FLI1: variants seen among roughly 807,000 people sequenced by gnomAD.
FLI1 encodes Friend leukemia integration 1 transcription factor.
FLI1 carries 13 observed loss-of-function variants against 53.1 expected under a neutral mutation model. The observed-to-expected ratio is 0.24, with a 90% CI of 0.16 to 0.39. The LOEUF is 0.39. Ranked by LOEUF, FLI1 falls within the 10% of genes least tolerant of loss-of-function variation. The probability of loss-of-function intolerance (pLI) is 1.00; values close to 1 mark genes in which losing one functional copy is unlikely to be tolerated. For synonymous variants in FLI1, 244 were observed against 236.7 expected, an observed-to-expected ratio of 1.03 and a Z score of -0.28; for missense variants, 424 against 600.5, an observed-to-expected ratio of 0.71 and a Z score of 3.07.
At chr11:128,748,669 C>T (rs763109450) in intron 1 of FLI1, among the ~76,000 whole-genome samples, 9 of 151,976 alleles carry the variant, frequency 5.9e-5, no homozygotes, top group South Asian at 2.1e-4. Flanking sequence ...AAAAGTCAGC[C>T]GGACACTCTG....
At chr11:128,693,689 G>C (rs1420156187), upstream of FLI1, 1 of 232,998 alleles carries the variant, frequency 4.3e-6, no homozygotes, top group Non-Finnish European at 8.5e-6. Flanking sequence ...AAGGTGATGG[G>C]GGGAGGTTCA....
At chr11:128,760,126 C>T (rs527963472) in intron 2 of FLI1, among the ~76,000 whole-genome samples, 33 of 152,346 alleles carry the variant, frequency 2.2e-4, no homozygotes, top group African/African-American at 7.7e-4. Context: ...TCTGATGGTG[C>T]CGGAGCTCCT....
chr11:128,703,852 AAAAAAAAAAAAC>A (rs1260991625), intron 1 of FLI1, among the ~76,000 whole-genome samples: 1 of 150,854 alleles, frequency 6.6e-6, no homozygotes, highest in Non-Finnish European at 1.5e-5. Flanking sequence ...CAAAAAAAAA[AAAAAAAAAAAAC>A]AAACGTTAAG....
intron 5 of FLI1, among the ~76,000 whole-genome samples, chr11:128,800,183 A>G (rs1013492776): frequency 7.2e-5 from 11 of 152,194 alleles, no homozygotes; most frequent in African/African-American, 2.7e-4. Flanking sequence ...TGCTGGGAGC[A>G]TGAGCAGCCT....
At chr11:128,707,336 C>G (rs1013090702) in intron 1 of FLI1, among the ~76,000 whole-genome samples, 1 of 152,162 alleles carries the variant, frequency 6.6e-6, no homozygotes, top group Non-Finnish European at 1.5e-5. Flanking sequence ...ACACATTGGT[C>G]GAAGGGCACA....
At chr11:128,725,222 G>C (rs1939423138) in intron 1 of FLI1, among the ~76,000 whole-genome samples, 2 of 152,212 alleles carry the variant, frequency 1.3e-5, no homozygotes, top group African/African-American at 4.8e-5. Context: ...ATAGGCAAAG[G>C]GACCTGTTAG....
chr11:128,765,828 A>G (rs902704888), intron 2 of FLI1, among the ~76,000 whole-genome samples: 1 of 151,910 alleles, frequency 6.6e-6, no homozygotes, highest in Admixed American at 6.6e-5. Context: ...CTGTGTTTGC[A>G]TGTGTGTGCA....
intron 1 of FLI1, among the ~76,000 whole-genome samples, chr11:128,755,530 G>A (rs1214420980): frequency 6.6e-6 from 1 of 152,210 alleles, no homozygotes; most frequent in Admixed American, 6.5e-5. Context: ...CTGTCTGAAA[G>A]GTTGCAATGT....
At chr11:128,788,574 AGAT>A (rs975006391) in intron 5 of FLI1, among the ~76,000 whole-genome samples, 17 of 152,178 alleles carry the variant, frequency 1.1e-4, no homozygotes, top group African/African-American at 3.9e-4. Context: ...GCTACACACA[AGAT>A]ATTTTCTGAG....
chr11:128,784,651 C>T (rs979897509), intron 5 of FLI1, among the ~76,000 whole-genome samples: 1 of 152,206 alleles, frequency 6.6e-6, no homozygotes, highest in African/African-American at 2.4e-5. Context: ...CATCAAGCCA[C>T]AAAACAAAGT....
intron 1 of FLI1, among the ~76,000 whole-genome samples, chr11:128,737,486 G>T (rs1206725301): frequency 6.6e-6 from 1 of 152,194 alleles, no homozygotes; most frequent in Non-Finnish European, 1.5e-5. Context: ...TGTCAAGAAT[G>T]TAGTCCAGCT....
chr11:128,798,593 T>C lies in FLI1; in HGVS notation c.656-6773T>C, dbSNP rs185503314. 2.5e-3 allele frequency among the ~76,000 whole-genome samples: 374 copies of C among 152,294 alleles called. 2 individuals are homozygous for C. The highest frequency in any genetic ancestry group is 2.5e-3 in the Admixed American group (38 of 15,298). ...AGGGTCAGCTCCGAGGCAGAGGGGC[T>C]GTTGGATTCCAGGACAAGATCCTTG... On this transcript the variant is annotated intron_variant, in intron 5 of 8. Coordinates refer to ENST00000527786, the MANE Select transcript of FLI1 (RefSeq NM_002017.5).
At chr11:128,752,062 G>A (rs566957525) in intron 1 of FLI1, among the ~76,000 whole-genome samples, 8 of 151,836 alleles carry the variant, frequency 5.3e-5, no homozygotes, top group Middle Eastern at 3.4e-3. Context: ...AGCAAGCTCC[G>A]CCTCCTGGGT....
intron 1 of FLI1, among the ~76,000 whole-genome samples, chr11:128,700,466 G>T (rs143861922): frequency 6.6e-6 from 1 of 152,210 alleles, no homozygotes; most frequent in Non-Finnish European, 1.5e-5. Context: ...CTATGGTAAA[G>T]GGCTTTCTAG....
chr11:128,714,217 A>AC (rs1371085220), intron 1 of FLI1, among the ~76,000 whole-genome samples: 1 of 151,922 alleles, frequency 6.6e-6, no homozygotes, highest in Non-Finnish European at 1.5e-5. Context: ...AAAAAAAAAA[A>AC]AAAAAAAAAC....
At chr11:128,755,599 G>A (rs1176905236) in intron 1 of FLI1, among the ~76,000 whole-genome samples, 8 of 152,184 alleles carry the variant, frequency 5.3e-5, no homozygotes, top group Non-Finnish European at 1.2e-4. Context: ...CAAAATTTAG[G>A]ATATGAAGCC....
chr11:128,729,525 G>A (rs1407022587), intron 1 of FLI1, among the ~76,000 whole-genome samples: 3 of 152,204 alleles, frequency 2.0e-5, no homozygotes, highest in Non-Finnish European at 2.9e-5. Context: ...GGATCAGAGT[G>A]GAGGTATGTG....
chr11:128,767,126 G>A (rs1941375046), intron 2 of FLI1, among the ~76,000 whole-genome samples: 2 of 152,160 alleles, frequency 1.3e-5, no homozygotes, highest in African/African-American at 4.8e-5. Context: ...AGGTGGCCAT[G>A]GGTGGGACTT....
At chr11:128,704,241 G>A (rs531282727) in intron 1 of FLI1, among the ~76,000 whole-genome samples, 6 of 152,256 alleles carry the variant, frequency 3.9e-5, no homozygotes, top group Non-Finnish European at 7.4e-5. Flanking sequence ...ATCTGATCCT[G>A]TGTGGCTCTT....
Sources: gnomAD v4.1 joint callset for allele counts (sites outside exome capture counted in the v4.1 genomes callset) on GRCh38, gnomAD v4.1.1 for gene constraint, MANE v1.5 for transcripts, NCBI Gene and HGNC (gene_info 2026-07-23, HGNC 2026-07-21) for gene names.